The following AUTS2 variants were observed in gnomAD, a reference collection of about 807,000 sequenced individuals.
AUTS2 encodes autism susceptibility gene 2 protein.
In AUTS2, 17 loss-of-function variants were observed where a neutral mutation model predicts 112.4. The observed-to-expected ratio is 0.15, with a 90% confidence interval of 0.10 to 0.23. The LOEUF is 0.23. Ranked by LOEUF, AUTS2 falls within the 10% of genes least tolerant of loss-of-function variation. The probability of loss-of-function intolerance (pLI) is 1.00; values close to 1 mark genes in which losing one functional copy is unlikely to be tolerated. For synonymous variants in AUTS2, 751 were observed against 702.7 expected (o/e 1.07, Z -1.09); for missense variants, 1,510 against 1,701.6 (o/e 0.89, Z 1.98).
At chr7:70,277,980 G>A (rs1295395998) in intron 4 of AUTS2, among the ~76,000 whole-genome samples, 1 of 151,646 alleles carries the variant, frequency 6.6e-6, no homozygotes, top group African/African-American at 2.4e-5. Context: ...GTGTGTGTGT[G>A]TGTATGACAG....
At chr7:70,018,831 A>G (rs1418873918) in intron 2 of AUTS2, among the ~76,000 whole-genome samples, 1 of 152,228 alleles carries the variant, frequency 6.6e-6, no homozygotes, top group Non-Finnish European at 1.5e-5. Flanking sequence ...AATTAATTCA[A>G]CCATTGTGAA....
intron 5 of AUTS2, among the ~76,000 whole-genome samples, chr7:70,579,936 G>A (rs1276316713): frequency 1.3e-5 from 2 of 152,182 alleles, no homozygotes; most frequent in Non-Finnish European, 1.5e-5. Flanking sequence ...GAAGATAGAG[G>A]ATGACCAACT....
intron 1 of AUTS2, among the ~76,000 whole-genome samples, chr7:69,895,155 C>G (rs975683948): frequency 1.3e-5 from 2 of 152,034 alleles, no homozygotes; most frequent in African/African-American, 2.4e-5. Flanking sequence ...TAGTCATGTA[C>G]ACAACTCTTG....
intron 4 of AUTS2, among the ~76,000 whole-genome samples, chr7:70,271,743 A>G (rs1787703756): frequency 6.6e-6 from 1 of 152,208 alleles, no homozygotes; most frequent in African/African-American, 2.4e-5. Context: ...ATTATGTGTA[A>G]ATGCCTCCTG....
intron 4 of AUTS2, among the ~76,000 whole-genome samples, chr7:70,365,963 G>A (rs1792550592): frequency 6.6e-6 from 1 of 152,186 alleles, no homozygotes; most frequent in Non-Finnish European, 1.5e-5. Context: ...CCACTGATTG[G>A]TTTAGGAGAC....
At chr7:69,632,919 A>G (rs943689188) in intron 1 of AUTS2, among the ~76,000 whole-genome samples, 5 of 152,184 alleles carry the variant, frequency 3.3e-5, no homozygotes, top group African/African-American at 1.2e-4. Context: ...TAGAGATAGT[A>G]AAAAGGTTAC....
At chr7:70,183,768 T>G (rs1300033500) in intron 4 of AUTS2, among the ~76,000 whole-genome samples, 1 of 152,104 alleles carries the variant, frequency 6.6e-6, no homozygotes, top group Non-Finnish European at 1.5e-5. Flanking sequence ...TGGAGGAGGT[T>G]AGAAACAGAG....
At position 70,070,399 on chromosome 7, in the gene AUTS2, C is replaced by T. The variant is rs551000641; in HGVS notation, c.523-47733C>T. 3.0e-4 allele frequency among the ~76,000 whole-genome samples: 44 copies of T among 148,890 alleles called. No individual in the cohort carries two copies. In the South Asian group the frequency reaches 3.8e-3, roughly 13 times the overall value. The stretch of plus-strand genomic sequence containing the variant: ...ACCAACCTGGCCAACATGGCAAAAC[C>T]CCGTCTCTTAAAAAAAAAAAAAAAA... On this transcript the variant is annotated intron_variant, in intron 2 of 18. Coordinates refer to ENST00000342771, the MANE Select transcript of AUTS2 (RefSeq NM_015570.4).
chr7:69,876,348 AAATATATATATATATATATATAT>A lies in AUTS2; in HGVS notation c.310-22936_310-22914del, dbSNP rs1465239958. ...CTCAAAAAAAAAAAAAAAAAAAAAA[AAATATATATATATATATATATAT>A]ATATATATATATGTATATATAATAT... On this transcript the variant is annotated intron_variant, in intron 1 of 18. Transcript: ENST00000342771. 6.4e-5 allele frequency among the ~76,000 whole-genome samples: 4 copies of A among 62,376 alleles called. 1 individual carries two copies. Among genetic ancestry groups the A allele is most frequent in the Admixed American group, 2.1e-4 (1 of 4,678 alleles). 40.9% of individuals were successfully genotyped at this position (62,376 alleles called of 152,430 possible).
At chr7:70,423,583 G>A (rs1008706833) in intron 4 of AUTS2, among the ~76,000 whole-genome samples, 2 of 152,140 alleles carry the variant, frequency 1.3e-5, no homozygotes, top group Non-Finnish European at 2.9e-5. Context: ...TAGTCCCTGT[G>A]TGCAGGTTAC....
At chr7:69,611,855 G>A (rs1027954009) in intron 1 of AUTS2, among the ~76,000 whole-genome samples, 7 of 149,656 alleles carry the variant, frequency 4.7e-5, no homozygotes, top group Admixed American at 2.0e-4. Flanking sequence ...GCGTGAACCC[G>A]GGAAGCGGAG....
At chr7:70,309,359 A>G (rs184542716) in intron 4 of AUTS2, among the ~76,000 whole-genome samples, 1 of 152,298 alleles carries the variant, frequency 6.6e-6, no homozygotes, top group Non-Finnish European at 1.5e-5. Flanking sequence ...AGACTTCTCT[A>G]ATAGAGTTAG....
intron 5 of AUTS2, among the ~76,000 whole-genome samples, chr7:70,563,600 G>A (rs987760506): frequency 2.4e-4 from 36 of 152,196 alleles, no homozygotes; most frequent in African/African-American, 8.2e-4. Context: ...AGAATGAGGA[G>A]AAGAGCCTCA....
chr7:70,252,450 TG>T (rs980850432), intron 4 of AUTS2, among the ~76,000 whole-genome samples: 2 of 152,168 alleles, frequency 1.3e-5, no homozygotes, highest in African/African-American at 4.8e-5. Context: ...CTGGGTTATT[TG>T]TTTTATTGCT....
chr7:70,248,577 A>G (rs956598449), intron 4 of AUTS2, among the ~76,000 whole-genome samples: 3 of 152,198 alleles, frequency 2.0e-5, no homozygotes, highest in Admixed American at 1.3e-4. Flanking sequence ...TTGTCTATTT[A>G]TAATTATAGA....
intron 1 of AUTS2, among the ~76,000 whole-genome samples, chr7:69,645,967 ATTT>A (rs751243685): frequency 7.4e-6 from 1 of 134,232 alleles, no homozygotes; most frequent in Non-Finnish European, 1.6e-5. Flanking sequence ...AACGGTCTGG[ATTT>A]TTTTTTTTTT....
chr7:69,986,557 A>G (rs559466171), intron 2 of AUTS2, among the ~76,000 whole-genome samples: 4 of 152,342 alleles, frequency 2.6e-5, no homozygotes, highest in Admixed American at 6.5e-5. Flanking sequence ...GCTCTTGGCC[A>G]AAGGCCACTG....
intron 4 of AUTS2, among the ~76,000 whole-genome samples, chr7:70,304,976 C>G (rs1158235944): frequency 6.6e-6 from 1 of 151,986 alleles, no homozygotes; most frequent in Non-Finnish European, 1.5e-5. Flanking sequence ...TGAGAGGTGA[C>G]CACTCTTAAT....
chr7:70,728,363 C>T (rs1787154631), intron 6 of AUTS2, among the ~76,000 whole-genome samples: 1 of 152,114 alleles, frequency 6.6e-6, no homozygotes, highest in African/African-American at 2.4e-5. Context: ...GGTTGGAAAA[C>T]TAGGTCAGAA....
Sources: gnomAD v4.1 joint callset for allele counts (sites outside exome capture counted in the v4.1 genomes callset) on GRCh38, gnomAD v4.1.1 for gene constraint, MANE v1.5 for transcripts, NCBI Gene and HGNC (gene_info 2026-07-23, HGNC 2026-07-21) for gene names.